PACS2: variants seen among roughly 807,000 people sequenced by gnomAD.
PACS2 encodes the protein phosphofurin acidic cluster sorting protein 2.
A neutral mutation model predicts 113.0 loss-of-function variants in PACS2; 36 were observed. The ratio of observed to expected loss-of-function variants is 0.32; its 90% CI spans 0.24 to 0.42. The LOEUF (loss-of-function observed/expected upper bound fraction) is 0.42, where lower values mean the gene tolerates loss of function less well. Among genes scored for constraint, PACS2 ranks in the 10% least tolerant of loss-of-function variants. PACS2 has a pLI of 1.00. For missense variants in PACS2, 1,015 were observed against 1,239.5 expected (o/e 0.82, Z 2.72); for synonymous variants, 589 against 536.1 (o/e 1.10, Z -1.36).
chr14:105,384,544 C>T, intron 17 of PACS2, 81 bp downstream of exon 17: 1 of 842,048 alleles, frequency 1.2e-6, no homozygotes, highest in Non-Finnish European at 1.9e-6. Flanking sequence ...GCCCAGGAGG[C>T]CCTGCACCTG....
At position 105,348,586 on chromosome 14, in the gene PACS2, G is replaced by T. The variant is rs372484779; in HGVS notation, c.207+6G>T. On this transcript the variant is annotated splice_donor_region_variant and intron_variant, in intron 2 of 24. Transcript: ENST00000447393. The surrounding 1 kb of genome is among the most constrained non-coding windows in gnomAD (Gnocchi z 6.4). Reference sequence around the variant, plus strand: ...TGATCGCTGTCAAGATGCAGGTGAGGCCGCTTGTGACCCCGGCTGTGGCTG... The same window carrying T: ...TGATCGCTGTCAAGATGCAGGTGAGTCCGCTTGTGACCCCGGCTGTGGCTG... The T allele has an allele frequency of 1.7e-5, 28 of 1,604,286 alleles. No individual in the cohort carries two copies. The highest frequency in any genetic ancestry group is 1.7e-6 in the Non-Finnish European group (2 of 1,173,280).
chr14:105,316,719 T>C lies in PACS2; in HGVS notation c.119+1682T>C, dbSNP rs189750686. Among the ~76,000 whole-genome samples the C allele has an allele frequency of 2.6e-3, 389 of 151,270 alleles. 5 individuals are homozygous for C. The highest frequency in any genetic ancestry group is 9.0e-3 in the African/African-American group (373 of 41,254). On this transcript the variant is annotated intron_variant, in intron 1 of 24. Transcript: ENST00000447393. ...GTGGGGAGGGTATGGGTAGGGCGGG[T>C]TTCGAGAAGCCTGGTTAGGACAGGC...
In PACS2 at chr14:105,348,523, G is replaced by A; in HGVS notation, c.150G>A (p.Val50=). 1 of 1,612,476 alleles carries A rather than the reference G, an allele frequency of 6.2e-7. No individual in the cohort carries two copies. The highest frequency in any genetic ancestry group is 1.3e-5 in the African/African-American group (1 of 75,044). The change falls in exon 2 of 25, where the codon GTG becomes GTA. Residue 50 remains valine (V), a synonymous_variant. Transcript: ENST00000447393. This position sits in a 1 kb window ranked among gnomAD's most constrained non-coding sequence, Gnocchi z 6.4. The stretch of plus-strand genomic sequence containing the variant: ...GCAGCCTGACTCTGAAGAAGCTGGT[G>A]GTCTTCAAGGAGCTGGAGAAGGAGC... The part of the protein sequence containing the change: ...RLCSLTLKKL[V]VFKELEKELI...
chr14:105,325,537 C>T (rs2059072408), intron 1 of PACS2, among the ~76,000 whole-genome samples: 1 of 152,224 alleles, frequency 6.6e-6, no homozygotes, highest in South Asian at 2.1e-4. Flanking sequence ...GTCCTAAGAG[C>T]AGCTGGCAGC....
chr14:105,356,765 A>T lies in PACS2; in HGVS notation c.423+1588A>T, dbSNP rs1211611651. Among the ~76,000 whole-genome samples the T allele has an allele frequency of 6.7e-6, 1 of 148,934 alleles. No individual in the cohort carries two copies. Among genetic ancestry groups the T allele is most frequent in the African/African-American group, 2.5e-5 (1 of 40,172 alleles). On this transcript the variant is annotated intron_variant, in intron 4 of 24. Coordinates refer to ENST00000447393, the MANE Select transcript of PACS2 (RefSeq NM_001100913.3). The surrounding 1 kb of genome is among the most constrained non-coding windows in gnomAD (Gnocchi z 4.0). ...CCGGTCCCTGTGTTTCCCATTAGCC[A>T]TGCAGGCGAGGTCCTGCTGATCCCT...
At chr14:105,353,098 C>A (rs1177319403) in intron 3 of PACS2, among the ~76,000 whole-genome samples, 1 of 125,650 alleles carries the variant, frequency 8.0e-6, no homozygotes, top group Non-Finnish European at 1.7e-5. Context: ...AGGCCCCCCC[C>A]ATCACTGTCC....
intron 1 of PACS2, among the ~76,000 whole-genome samples, chr14:105,333,563 G>A (rs886918489): frequency 6.6e-6 from 1 of 152,230 alleles, no homozygotes; most frequent in African/African-American, 2.4e-5. Context: ...TGCAGTCTGG[G>A]GATGTTCCTG....
chr14:105,336,103 C>T (rs587619445), intron 1 of PACS2, among the ~76,000 whole-genome samples: 2 of 152,336 alleles, frequency 1.3e-5, no homozygotes, highest in East Asian at 1.9e-4. Context: ...GGCAGGCTCG[C>T]GACCGCACCA....
chr14:105,356,829 T>G lies in PACS2; in HGVS notation c.423+1652T>G, dbSNP rs1478960792. 6.6e-6 allele frequency among the ~76,000 whole-genome samples: 1 copy of G among 150,378 alleles called. No individual in the cohort carries two copies. The highest frequency in any genetic ancestry group is 1.5e-5 in the Non-Finnish European group (1 of 67,890). ...TTTCCCATTAGCCATGCAGGCGATG[T>G]CCTGCTGATCCCTGCCGGTCCCTGT... On this transcript the variant is annotated intron_variant, in intron 4 of 24. Transcript: ENST00000447393. This position sits in a 1 kb window ranked among gnomAD's most constrained non-coding sequence, Gnocchi z 4.0.
intron 9 of PACS2, among the ~76,000 whole-genome samples, chr14:105,378,618 A>C (rs1006805821): frequency 6.6e-6 from 1 of 152,232 alleles, no homozygotes; most frequent in African/African-American, 2.4e-5. Flanking sequence ...TATGTTTCCC[A>C]GGCTGGTCTC....
rs1029117609 is a variant in PACS2 at position 105,366,485 on chromosome 14, G to C, written c.424-728G>C. Among the ~76,000 whole-genome samples the C allele has an allele frequency of 6.6e-6, 1 of 152,244 alleles. No individual in the cohort carries two copies. Among genetic ancestry groups the C allele is most frequent in the Non-Finnish European group, 1.5e-5 (1 of 68,038 alleles). On this transcript the variant is annotated intron_variant, in intron 4 of 24. Transcript: ENST00000447393. The surrounding 1 kb of genome is among the most constrained non-coding windows in gnomAD (Gnocchi z 4.3). The stretch of plus-strand genomic sequence containing the variant: ...CTGAGAGTTGTCGTCATGGCGTGTG[G>C]TTCTGAGGCTGGCGTGGGGCACGGC...
Position 105,332,824 on chromosome 14 carries a change from G to T in PACS2, c.120-15669G>T, listed in dbSNP as rs1482760663. Reference sequence around the variant, plus strand: ...ACAGACACCTTCCTGAAACTCCCTGGAGGGGAGCAGCCTTGATTCCTAAAC... The same window carrying T: ...ACAGACACCTTCCTGAAACTCCCTGTAGGGGAGCAGCCTTGATTCCTAAAC... On this transcript the variant is annotated intron_variant, in intron 1 of 24. Coordinates refer to ENST00000447393, the MANE Select transcript of PACS2 (RefSeq NM_001100913.3). Among the ~76,000 whole-genome samples, 3 of 152,184 alleles carry T rather than the reference G, an allele frequency of 2.0e-5. No individual in the cohort carries two copies. The East Asian group carries it at 5.8e-4, about 29-fold the overall frequency.
rs1293738648 is a variant in PACS2, at chr14:105,354,912, C to T, written c.298-140C>T. ...ATGCCACTGGGATGAACTTGGGGGC[C>T]CGTCTGTGGGTGCCCTTCCGATCTC... On this transcript the variant is annotated intron_variant, in intron 3 of 24. Coordinates refer to ENST00000447393, the MANE Select transcript of PACS2 (RefSeq NM_001100913.3). This position sits in a 1 kb window ranked among gnomAD's most constrained non-coding sequence, Gnocchi z 4.2. 4 of 724,702 alleles carry T rather than the reference C, an allele frequency of 5.5e-6. No homozygotes were observed. The allele number at this position is 724,702 out of a possible 1,614,324, so 44.9% of individuals were successfully genotyped here. A position where few individuals can be genotyped will look rare whatever the true frequency, so the allele number is the denominator to read the frequency against.
Position 105,355,303 on chromosome 14 carries a change from G to C in PACS2, c.423+126G>C. 2 of 1,199,474 alleles carry C rather than the reference G, an allele frequency of 1.7e-6. No individual in the cohort carries two copies. Among genetic ancestry groups the C allele is most frequent in the Non-Finnish European group, 2.3e-6 (2 of 878,680 alleles). The allele number at this position is 1,199,474 out of a possible 1,614,324, so 74.3% of individuals were successfully genotyped here. A position where few individuals can be genotyped will look rare whatever the true frequency, so the allele number is the denominator to read the frequency against. On this transcript the variant is annotated intron_variant, in intron 4 of 24. Transcript: ENST00000447393. The surrounding 1 kb of genome is among the most constrained non-coding windows in gnomAD (Gnocchi z 4.1). ...CAGGGATCAGGTGAAAATGATGAGAGGAGCCTGGGCGGCCGGGCTCCGCCA... is the reference window on the plus strand; with the variant it reads ...CAGGGATCAGGTGAAAATGATGAGACGAGCCTGGGCGGCCGGGCTCCGCCA...
intron 14 of PACS2, 83 bp from the exon 15 acceptor site, chr14:105,382,724 C>A: frequency 3.1e-6 from 3 of 970,154 alleles, no homozygotes; most frequent in Non-Finnish European, 3.2e-6. Flanking sequence ...TCTCTGGAGC[C>A]CCTGAGAGCT....
Position 105,394,858 on chromosome 14 carries a change from T to C in PACS2, c.*186T>C, listed in dbSNP as rs994562199. On this transcript the variant is annotated 3_prime_UTR_variant, in exon 25 of 25. Transcript: ENST00000447393. ...CCTGCCAGGAGCCGAATAACTGCTCTGCTTATTAACCCGAACGTTCGGCCC... is the reference window on the plus strand; with the variant it reads ...CCTGCCAGGAGCCGAATAACTGCTCCGCTTATTAACCCGAACGTTCGGCCC... 2 of 592,214 alleles carry C rather than the reference T, an allele frequency of 3.4e-6. No homozygotes were observed. The highest frequency in any genetic ancestry group is 5.5e-5 in the Admixed American group (2 of 36,266). 36.7% of individuals were successfully genotyped at this position (592,214 alleles called of 1,614,324 possible). A position where few individuals can be genotyped will look rare whatever the true frequency, so the allele number is the denominator to read the frequency against.
At chr14:105,350,357 T>G (rs2060122544) in intron 2 of PACS2, among the ~76,000 whole-genome samples, 1 of 152,170 alleles carries the variant, frequency 6.6e-6, no homozygotes, top group Non-Finnish European at 1.5e-5. Flanking sequence ...ACCTCTGGCA[T>G]GGGGCCCCAC....
chr14:105,379,934 G>A (rs1459962902), intron 10 of PACS2, 105 bp downstream of exon 10: 1 of 1,357,088 alleles, frequency 7.4e-7, no homozygotes, highest in Non-Finnish European at 1.0e-6. Context: ...CTGTCCAGCT[G>A]TCCTGGAGCC....
At chr14:105,302,594 T>C (rs1236694372) in intron 1 of PACS2, among the ~76,000 whole-genome samples, 1 of 152,188 alleles carries the variant, frequency 6.6e-6, no homozygotes, top group Non-Finnish European at 1.5e-5. Context: ...TTCTTCATTT[T>C]TTAAAAATTG....
Sources: gnomAD v4.1 joint callset for allele counts (sites outside exome capture counted in the v4.1 genomes callset) on GRCh38, gnomAD v4.1.1 for gene constraint, Gnocchi (gnomAD v3.1) non-coding constraint, MANE v1.5 for transcripts, NCBI Gene and HGNC (gene_info 2026-07-23, HGNC 2026-07-21) for gene names.